CNTN3: variants seen among roughly 807,000 people sequenced by gnomAD.
The protein encoded by CNTN3 is contactin 3, also known as contactin-3.
CNTN3 carries 60 observed loss-of-function variants against 119.1 expected under a neutral mutation model. The observed-to-expected ratio is 0.50, with a 90% confidence interval of 0.41 to 0.62. CNTN3 has a LOEUF of 0.62. CNTN3 is among the 20% of genes least tolerant of loss of function. CNTN3 has a pLI of 0.00. For synonymous variants in CNTN3, 450 were observed against 438.7 expected (o/e 1.03, Z -0.32); for missense variants, 1,101 against 1,242.4 (o/e 0.89, Z 1.71).
intron 1 of CNTN3, among the ~76,000 whole-genome samples, chr3:74,546,813 C>A (rs1174798279): frequency 6.6e-6 from 1 of 152,148 alleles, no homozygotes; most frequent in Admixed American, 6.5e-5. Flanking sequence ...TAATAAACTC[C>A]CTTTTATATA....
In CNTN3 at chr3:74,281,375, C is replaced by T. The variant is rs575934625; in HGVS notation, c.2704+3930G>A. 1.4e-4 allele frequency among the ~76,000 whole-genome samples: 22 copies of T among 152,132 alleles called. 1 individual carries two copies. Among genetic ancestry groups the T allele is most frequent in the Admixed American group, 1.0e-3 (16 of 15,270 alleles). The stretch of plus-strand genomic sequence containing the variant: ...AGACAGGGTTTTACTCTGTTGCCCA[C>T]GCTGAAGTGCAGTGGCACAATTACG... On this transcript the variant is annotated intron_variant, in intron 20 of 22. Coordinates refer to ENST00000263665, the MANE Select transcript of CNTN3 (RefSeq NM_020872.3).
At chr3:74,457,657 A>G (rs1337509435) in intron 4 of CNTN3, among the ~76,000 whole-genome samples, 1 of 152,004 alleles carries the variant, frequency 6.6e-6, no homozygotes, top group African/African-American at 2.4e-5. Context: ...CCACATGCAT[A>G]CTCACTATTA....
At chr3:74,569,990 T>C (rs1333616008) in intron 1 of CNTN3, among the ~76,000 whole-genome samples, 2 of 152,184 alleles carry the variant, frequency 1.3e-5, no homozygotes, top group African/African-American at 2.4e-5. Flanking sequence ...ACAGGGATGT[T>C]TGCTTTTTTC....
chr3:74,605,404 T>A (rs1232582668), intron 1 of CNTN3, among the ~76,000 whole-genome samples: 2 of 152,118 alleles, frequency 1.3e-5, no homozygotes, highest in African/African-American at 4.8e-5. Context: ...TAAATATATA[T>A]AATTTTCCAA....
At chr3:74,308,951 G>A (rs1354213862) in intron 13 of CNTN3, among the ~76,000 whole-genome samples, 1 of 152,078 alleles carries the variant, frequency 6.6e-6, no homozygotes, top group Non-Finnish European at 1.5e-5. Context: ...AATAGACACT[G>A]TCCAAAATAA....
chr3:74,295,190 G>A lies in CNTN3; in HGVS notation c.2448C>T (p.Ser816=), dbSNP rs1364237664. 2.5e-6 allele frequency: 4 copies of A among 1,613,376 alleles called. No individual in the cohort carries two copies. Among genetic ancestry groups the A allele is most frequent in the Admixed American group, 3.3e-5 (2 of 59,988 alleles). Residue 816 remains serine (S), a synonymous_variant, in exon 19 of 23, where the codon TCC becomes TCT. Coordinates refer to ENST00000263665, the MANE Select transcript of CNTN3 (RefSeq NM_020872.3). Reference sequence around the variant, plus strand: ...TGTTCCATGAAACCTCAATTTCTGAGGAAGATAGGCTATTTGCAGAGACTT... The same window carrying A: ...TGTTCCATGAAACCTCAATTTCTGAAGAAGATAGGCTATTTGCAGAGACTT... ...PSQVSANSLS[S]SEIEVSWNTI... is the part of the protein sequence containing the mutation.
intron 17 of CNTN3, 118 bp from the exon 18 acceptor site, chr3:74,298,309 T>C (rs534315272): frequency 3.5e-6 from 2 of 564,542 alleles, no homozygotes; most frequent in South Asian, 4.2e-5. Context: ...CTACATTGTA[T>C]TAAGCAGTTG....
chr3:74,478,260 C>A (rs1702695557), intron 4 of CNTN3, among the ~76,000 whole-genome samples: 1 of 152,016 alleles, frequency 6.6e-6, no homozygotes, highest in Admixed American at 6.6e-5. Flanking sequence ...GCAGGCACAT[C>A]TGGAAGAGGA....
chr3:74,559,106 T>C (rs893949883), intron 1 of CNTN3, among the ~76,000 whole-genome samples: 1 of 152,020 alleles, frequency 6.6e-6, no homozygotes, highest in African/African-American at 2.4e-5. Context: ...ATTAGTATCA[T>C]AATTAATATT....
chr3:74,523,865 T>C lies in CNTN3; in HGVS notation c.-80-2673A>G, dbSNP rs183179068. Among the ~76,000 whole-genome samples, 129 of 152,106 alleles carry C rather than the reference T, an allele frequency of 8.5e-4. 1 individual carries two copies. Among genetic ancestry groups the C allele is most frequent in the Admixed American group, 2.0e-3 (30 of 15,256 alleles). On this transcript the variant is annotated intron_variant, in intron 1 of 22. Transcript: ENST00000263665. ...ATTACTAGATTGATTGATAAATCTC[T>C]GAAGGTAGAACCACAGTTAACCCAT...
rs1239937044 is a variant in CNTN3, at chr3:74,369,228, G to A, written c.907C>T (p.Arg303Ter). 4 of 1,606,714 alleles carry A rather than the reference G, an allele frequency of 2.5e-6. No homozygotes were observed. The highest frequency in any genetic ancestry group is 2.3e-5 in the East Asian group (1 of 44,368). The stretch of plus-strand genomic sequence containing the variant: ...CGCCCTCTGGCAACATTTTTTCCTC[G>A]TGAATTCTCAGCAATGCATTCATAG... ...GSYECIAENSRGKNVARGRLT... is the reference protein window; with the variant it reads ...GSYECIAENS Residue 303 changes from arginine (R) to a stop codon, truncating the protein, a stop_gained, in exon 8 of 23, where the codon CGA becomes TGA. Transcript: ENST00000263665. LOFTEE classifies it high-confidence loss of function.
At position 74,535,684 on chromosome 3, in the gene CNTN3, G is replaced by A. The variant is rs141865335; in HGVS notation, c.-80-14492C>T. Among the ~76,000 whole-genome samples the A allele has an allele frequency of 2.4e-3, 361 of 152,232 alleles. 4 individuals carry two copies. Among genetic ancestry groups the A allele is most frequent in the African/African-American group, 8.1e-3 (337 of 41,556 alleles). ...CAGCCTGATTGTGAACTGCCAGACT[G>A]ACTGTGAACTCTTTATTTCAGAAGA... On this transcript the variant is annotated intron_variant, in intron 1 of 22. Coordinates refer to ENST00000263665, the MANE Select transcript of CNTN3 (RefSeq NM_020872.3).
intron 5 of CNTN3, among the ~76,000 whole-genome samples, chr3:74,424,410 T>A (rs927528565): frequency 6.7e-5 from 10 of 149,640 alleles, no homozygotes; most frequent in African/African-American, 2.5e-4. Flanking sequence ...TATATATATA[T>A]AAAATACATA....
chr3:74,603,063 C>CTGGGA (rs1288896887), intron 1 of CNTN3, among the ~76,000 whole-genome samples: 1 of 152,156 alleles, frequency 6.6e-6, no homozygotes, highest in Non-Finnish European at 1.5e-5. Flanking sequence ...TACTCCAGGG[C>CTGGGA]TGGGATGGCC....
chr3:74,522,365 G>A (rs778754535), intron 1 of CNTN3, among the ~76,000 whole-genome samples: 4 of 151,862 alleles, frequency 2.6e-5, no homozygotes, highest in African/African-American at 7.2e-5. Context: ...ATTGAGAACT[G>A]CTGTTCTAAG....
At chr3:74,593,104 A>G (rs1341130521) in intron 1 of CNTN3, among the ~76,000 whole-genome samples, 1 of 151,988 alleles carries the variant, frequency 6.6e-6, no homozygotes, top group Non-Finnish European at 1.5e-5. Context: ...ACCAATGCTG[A>G]CTAGCAAATT....
chr3:74,443,838 A>C (rs973373652), intron 4 of CNTN3, among the ~76,000 whole-genome samples: 1 of 152,150 alleles, frequency 6.6e-6, no homozygotes, highest in Non-Finnish European at 1.5e-5. Flanking sequence ...CACAATACTT[A>C]GTGGGTGGTG....
At chr3:74,433,699 T>G (rs983334661) in intron 4 of CNTN3, among the ~76,000 whole-genome samples, 2 of 152,014 alleles carry the variant, frequency 1.3e-5, no homozygotes, top group African/African-American at 4.8e-5. Context: ...AACAACAAAC[T>G]TTTCCTTTTC....
intron 19 of CNTN3, among the ~76,000 whole-genome samples, chr3:74,291,216 CA>C (rs1360419441): frequency 6.6e-6 from 1 of 152,162 alleles, no homozygotes; most frequent in Non-Finnish European, 1.5e-5. Context: ...CATGTCCCTA[CA>C]AAGGACATGA....
Sources: allele counts gnomAD v4.1 joint callset (sites outside exome capture counted in the v4.1 genomes callset), GRCh38; gene constraint gnomAD v4.1.1; transcripts MANE v1.5; gene names NCBI Gene and HGNC (gene_info 2026-07-23, HGNC 2026-07-21).